SMARCA4: variants seen among roughly 807,000 people sequenced by gnomAD.
SMARCA4 encodes the protein SWI/SNF related BAF chromatin remodeling complex subunit ATPase 4.
SMARCA4 carries 31 observed loss-of-function variants against 193.9 expected under a neutral mutation model. The observed-to-expected ratio is 0.16, with a 90% CI of 0.12 to 0.22. The LOEUF (loss-of-function observed/expected upper bound fraction) is 0.22, where lower values mean the gene tolerates loss of function less well. SMARCA4 is among the 10% of genes least tolerant of loss of function. The pLI, the probability that SMARCA4 is intolerant of heterozygous loss-of-function variation, is 1.00. For missense variants in SMARCA4, 1,148 were observed against 2,296.0 expected (o/e 0.50, Z 10.22); for synonymous variants, 942 against 933.1 (o/e 1.01, Z -0.17).
At chr19:10,992,826 C>T (rs577734389) in intron 8 of SMARCA4, among the ~76,000 whole-genome samples, 5 of 152,026 alleles carry the variant, frequency 3.3e-5, no homozygotes, top group East Asian at 1.9e-4. Context: ...CTGTTGACCT[C>T]GTGATCCGCC....
At position 11,058,375 on chromosome 19, in the gene SMARCA4, G is replaced by A. The variant is rs745588528; in HGVS notation, c.4533+12G>A. 2.2e-5 allele frequency: 35 copies of A among 1,563,460 alleles called. No homozygotes were observed. The highest frequency in any genetic ancestry group is 1.7e-4 in the Middle Eastern group (1 of 5,990). On this transcript the variant is annotated intron_variant, in intron 31 of 34. Transcript: ENST00000344626. The surrounding 1 kb of genome is among the most constrained non-coding windows in gnomAD (Gnocchi z 5.8). ...TCAAGAAGATAAAGGTAACCCTGAC[G>A]TTGTACCTGCGCCCCGCATGTGCCC... is the stretch of plus-strand genomic sequence containing the variant.
At chr19:11,021,536 A>G (rs1330981534) in intron 18 of SMARCA4, 189 bp from the exon 19 acceptor site, 1 of 740,562 alleles carries the variant, frequency 1.4e-6, no homozygotes, top group Non-Finnish European at 2.4e-6. Flanking sequence ...AAGGCTTGCA[A>G]GAGGCTACGT....
At chr19:10,974,526 A>C (rs1437162168) in intron 1 of SMARCA4, among the ~76,000 whole-genome samples, 1 of 150,362 alleles carries the variant, frequency 6.7e-6, no homozygotes, top group African/African-American at 2.4e-5. Flanking sequence ...TATTGTAAAA[A>C]ATAAATAAAA....
At chr19:11,044,435 TGAG>T (rs1303453506) in intron 30 of SMARCA4, among the ~76,000 whole-genome samples, 3 of 152,026 alleles carry the variant, frequency 2.0e-5, no homozygotes, top group Admixed American at 2.0e-4. Flanking sequence ...TCCTCATAGA[TGAG>T]GAAAAGACAA....
In SMARCA4 at chr19:11,033,947, G is replaced by A. The variant is rs762071306; in HGVS notation, c.3873+82G>A. On this transcript the variant is annotated intron_variant, in intron 27 of 34. Coordinates refer to ENST00000344626, the MANE Select transcript of SMARCA4 (RefSeq NM_003072.5). The surrounding 1 kb of genome is among the most constrained non-coding windows in gnomAD (Gnocchi z 9.8). Reference sequence around the variant, plus strand: ...CGGCCAGCAAGGGCCCTGGTCCCACGGAGCGTGCGTGTGCGTGTGCGTGTG... The same window carrying A: ...CGGCCAGCAAGGGCCCTGGTCCCACAGAGCGTGCGTGTGCGTGTGCGTGTG... 3.9e-5 allele frequency: 29 copies of A among 750,082 alleles called. No homozygotes were observed. The highest frequency in any genetic ancestry group is 5.9e-5 in the Non-Finnish European group (24 of 408,802). The allele number at this position is 750,082 out of a possible 1,614,324, so 46.5% of individuals were successfully genotyped here.
intron 1 of SMARCA4, among the ~76,000 whole-genome samples, chr19:10,971,955 AT>A (rs539620346): frequency 0.011 from 1,372 of 125,150 alleles, 16 homozygotes; most frequent in African/African-American, 0.028. Context: ...CGCTTGGCTA[AT>A]TTTTTTTTTT....
intron 30 of SMARCA4, chr19:11,056,339 G>T (rs569667209): frequency 6.6e-6 from 1 of 152,396 alleles, no homozygotes; most frequent in East Asian, 1.9e-4. Context: ...AAGGAAGCCT[G>T]TGCCTCCAGG....
At chr19:11,061,503 G>C (rs2076894828) in intron 34 of SMARCA4, among the ~76,000 whole-genome samples, 1 of 152,064 alleles carries the variant, frequency 6.6e-6, no homozygotes, top group Non-Finnish European at 1.5e-5. Context: ...AGCCTCCCAA[G>C]TAGCTGGGAC....
chr19:10,983,822 C>A, intron 1 of SMARCA4: 1 of 480,088 alleles, frequency 2.1e-6, no homozygotes, highest in Non-Finnish European at 3.8e-6. Flanking sequence ...CCAGCACCCC[C>A]TGAGACACCC....
At chr19:11,020,196 G>C (rs369233338) in intron 18 of SMARCA4, among the ~76,000 whole-genome samples, 14 of 152,186 alleles carry the variant, frequency 9.2e-5, no homozygotes, top group African/African-American at 2.9e-4. Flanking sequence ...GCTGTTCTGT[G>C]AGGGTCCTAC....
chr19:11,043,681 C>CT (rs1383668293), intron 30 of SMARCA4, among the ~76,000 whole-genome samples: 3 of 151,954 alleles, frequency 2.0e-5, no homozygotes, highest in African/African-American at 7.3e-5. Flanking sequence ...ATACAGAATA[C>CT]TTATTTAAAA....
At chr19:11,029,919 A>C (rs1006178028) in intron 24 of SMARCA4, among the ~76,000 whole-genome samples, 1 of 151,924 alleles carries the variant, frequency 6.6e-6, no homozygotes, top group Non-Finnish European at 1.5e-5. Flanking sequence ...CAGGCGATCC[A>C]CCCACCTCAG....
Position 10,991,257 on chromosome 19 carries a change from C to T in SMARCA4, c.1353C>T (p.Arg451=), listed in dbSNP as rs1060504437. The change falls in exon 8 of 35, where the codon CGC becomes CGT. Residue 451 remains arginine (R), a synonymous_variant. Coordinates refer to ENST00000344626, the MANE Select transcript of SMARCA4 (RefSeq NM_003072.5). ...AGCGCCAGTCCCTGCGCGAGGCCCG[C>T]ATCACTGAGAAGCTGGAGAAGCAGC... ...RSKRQSLREA[R]ITEKLEKQQK... is the part of the protein sequence containing the mutation. 1.9e-6 allele frequency: 3 copies of T among 1,612,504 alleles called. No individual in the cohort carries two copies. Among genetic ancestry groups the T allele is most frequent in the Middle Eastern group, 1.6e-4 (1 of 6,066 alleles).
intron 30 of SMARCA4, among the ~76,000 whole-genome samples, chr19:11,051,050 G>A (rs1600557729): frequency 6.6e-6 from 1 of 152,264 alleles, no homozygotes; most frequent in African/African-American, 2.4e-5. Flanking sequence ...AGAGGGCTCA[G>A]GGGGCCTAAA....
At chr19:10,990,684 A>T (rs533271829) in intron 7 of SMARCA4, among the ~76,000 whole-genome samples, 2 of 152,300 alleles carry the variant, frequency 1.3e-5, no homozygotes, top group African/African-American at 4.8e-5. Context: ...AAGTGCTGGG[A>T]TTACAGGCAT....
chr19:10,995,196 A>C, intron 9 of SMARCA4, 195 bp downstream of exon 9: 1 of 691,416 alleles, frequency 1.4e-6, no homozygotes, highest in Non-Finnish European at 2.6e-6. Flanking sequence ...GATCATCAGA[A>C]TGACTGTGTG....
chr19:11,024,585 G>C, intron 21 of SMARCA4, 147 bp downstream of exon 21: 1 of 698,500 alleles, frequency 1.4e-6, no homozygotes, highest in Non-Finnish European at 2.6e-6. Flanking sequence ...ATGATGGCTG[G>C]TGGCTTGTGT....
rs118050962 is a variant in SMARCA4, at chr19:11,058,705, G to T, written c.4534-83G>T. 1.1e-3 allele frequency: 1,359 copies of T among 1,184,194 alleles called. 10 individuals carry two copies. In the Middle Eastern group the frequency reaches 0.015, roughly 13 times the overall value. 73.4% of individuals were successfully genotyped at this position (1,184,194 alleles called of 1,614,324 possible). ...TCATAGGCACGAGGAATCCTAGCCC[G>T]TGGGGTCTCCAGCACACAGCCAGGC... On this transcript the variant is annotated intron_variant, in intron 31 of 34. Coordinates refer to ENST00000344626, the MANE Select transcript of SMARCA4 (RefSeq NM_003072.5). The surrounding 1 kb of genome is among the most constrained non-coding windows in gnomAD (Gnocchi z 5.8).
At chr19:11,042,611 A>T (rs994943523) in intron 30 of SMARCA4, among the ~76,000 whole-genome samples, 1 of 152,250 alleles carries the variant, frequency 6.6e-6, no homozygotes, top group Non-Finnish European at 1.5e-5. Flanking sequence ...GGGAGCCCAC[A>T]TGCATGGTTT....
Sources: allele counts gnomAD v4.1 joint callset (sites outside exome capture counted in the v4.1 genomes callset), GRCh38; gene constraint gnomAD v4.1.1; non-coding constraint Gnocchi (gnomAD v3.1); transcripts MANE v1.5; gene names NCBI Gene and HGNC (gene_info 2026-07-23, HGNC 2026-07-21).